SUSD3: variants seen among roughly 807,000 people sequenced by gnomAD.
SUSD3 encodes sushi domain containing 3.
A neutral mutation model predicts 20.6 loss-of-function variants in SUSD3; 18 were observed. The observed-to-expected ratio is 0.87, with a 90% CI of 0.60 to 1.30. SUSD3 has a LOEUF of 1.30. SUSD3 is among the 50% of genes most tolerant of loss of function. The pLI is 0.00. For missense variants in SUSD3, 306 were observed against 346.9 expected, an observed-to-expected ratio of 0.88 and a Z score of 0.94; for synonymous variants, 137 against 141.5, an observed-to-expected ratio of 0.97 and a Z score of 0.23.
rs572072706 is a variant in SUSD3, at chr9:93,075,791, C to G, written c.96C>G (p.Cys32Trp). The G allele has an allele frequency of 6.8e-7, 1 of 1,478,958 alleles. No homozygotes were observed. Among genetic ancestry groups the G allele is most frequent in the South Asian group, 1.1e-5 (1 of 89,538 alleles). 91.6% of individuals were successfully genotyped at this position (1,478,958 alleles called of 1,614,324 possible). The change falls in exon 2 of 5, where the codon TGC (cysteine) becomes TGG (tryptophan). Residue 32 changes from cysteine to tryptophan, a missense_variant. Coordinates refer to ENST00000375472, the MANE Select transcript of SUSD3 (RefSeq NM_145006.4). Reference protein sequence around the residue: ...TPAPGNRTGTCAKLRLPPQAT... With the variant: ...TPAPGNRTGTWAKLRLPPQAT... Reference sequence around the variant, plus strand: ...ACCTGCCTGTCTCCCCAGGCACGTGCGCTAAGCTGCGGCTACCCCCGCAAG... The same window carrying G: ...ACCTGCCTGTCTCCCCAGGCACGTGGGCTAAGCTGCGGCTACCCCCGCAAG...
At chr9:93,079,635 G>A (rs1030869953) in intron 4 of SUSD3, 33 bp downstream of exon 4, 2 of 1,609,670 alleles carry the variant, frequency 1.2e-6, no homozygotes, top group African/African-American at 2.7e-5. Context: ...GACATGCTGG[G>A]GGACAAGGGG....
At chr9:93,058,903 G>T in intron 1 of SUSD3, 73 bp downstream of exon 1, 4 of 945,354 alleles carry the variant, frequency 4.2e-6, no homozygotes, top group Non-Finnish European at 5.6e-6. Flanking sequence ...CGAGGGGAGG[G>T]GGTCGCGGGG....
Position 93,084,609 on chromosome 9 carries a change from A to G in SUSD3, c.630A>G (p.Arg210=), listed in dbSNP as rs367791324. The G allele has an allele frequency of 6.2e-6, 10 of 1,610,068 alleles. No individual in the cohort carries two copies. In the African/African-American group the frequency reaches 1.3e-4, roughly 22 times the overall value. ...RSVDKDPGIP[R]ALSLSGSSSS... Reference sequence around the variant, plus strand: ...TGGACAAGGACCCTGGGATCCCCAGAGCTCTAAGCCTCAGTGGCTCCTCCA... The same window carrying G: ...TGGACAAGGACCCTGGGATCCCCAGGGCTCTAAGCCTCAGTGGCTCCTCCA... The change falls in exon 5 of 5, where the codon AGA becomes AGG. Residue 210 remains arginine, a synonymous_variant. Coordinates refer to ENST00000375472, the MANE Select transcript of SUSD3 (RefSeq NM_145006.4).
chr9:93,063,103 C>A (rs984723333), intron 1 of SUSD3, among the ~76,000 whole-genome samples: 2 of 152,160 alleles, frequency 1.3e-5, no homozygotes, highest in Non-Finnish European at 2.9e-5. Context: ...GAAAGTGTTT[C>A]CTGGCCTCCC....
At position 93,069,036 on chromosome 9, in the gene SUSD3, C is replaced by T. The variant is rs1385264320; in HGVS notation, c.89-6748C>T. The T allele has an allele frequency of 2.9e-5, 20 of 686,498 alleles. No homozygotes were observed. The East Asian group carries it at 3.0e-4, about 10-fold the overall frequency. The allele number at this position is 686,498 out of a possible 1,614,324, so 42.5% of individuals were successfully genotyped here. ...CTCTCTCTCTAAATATCTTAATAGA[C>T]GGTACTCACCCTTCTTGCGATGATG... On this transcript the variant is annotated intron_variant, in intron 1 of 4. Transcript: ENST00000375472.
rs1194261627 is a variant in SUSD3 at position 93,059,046 on chromosome 9, ACGCAG to A, written c.88+218_88+222del. Among the ~76,000 whole-genome samples, 10 of 152,238 alleles carry A rather than the reference ACGCAG, an allele frequency of 6.6e-5. No homozygotes were observed. The South Asian group carries it at 2.1e-3, about 32-fold the overall frequency. Reference sequence around the variant, plus strand: ...GAGCAGTTCGAAACCAGGCGGCTGCACGCAGCAGCCCGCGCGCCCGTTCCCGAGTG... The same window carrying A: ...GAGCAGTTCGAAACCAGGCGGCTGCACAGCCCGCGCGCCCGTTCCCGAGTG... On this transcript the variant is annotated intron_variant, in intron 1 of 4. Coordinates refer to ENST00000375472, the MANE Select transcript of SUSD3 (RefSeq NM_145006.4).
At chr9:93,070,001 A>G (rs1825851870) in intron 1 of SUSD3, among the ~76,000 whole-genome samples, 1 of 150,708 alleles carries the variant, frequency 6.6e-6, no homozygotes, top group African/African-American at 2.4e-5. Flanking sequence ...CTGGTCTTGA[A>G]CTCCTGACCT....
At position 93,058,825 on chromosome 9, in the gene SUSD3, G is replaced by A; in HGVS notation, c.83G>A (p.Arg28His). Residue 28 changes from arginine (R) to histidine (H), a missense_variant, in exon 1 of 5, where the codon CGC becomes CAC. Arg to His is a conservative substitution (Grantham distance 29, BLOSUM62 0). Coordinates refer to ENST00000375472, the MANE Select transcript of SUSD3 (RefSeq NM_145006.4). ...AGVTTPAPGNRTGTCAKLRLP... is the reference protein window; with the variant it reads ...AGVTTPAPGNHTGTCAKLRLP... ...GTCACCACGCCTGCCCCAGGGAACC[G>A]CACAGGTGAGGGCTGGGGCCGAGTG... 7.9e-7 allele frequency: 1 copy of A among 1,263,044 alleles called. No individual in the cohort carries two copies. Among genetic ancestry groups the A allele is most frequent in the Non-Finnish European group, 1.0e-6 (1 of 1,003,452 alleles). The allele number at this position is 1,263,044 out of a possible 1,614,324, so 78.2% of individuals were successfully genotyped here. A position where few individuals can be genotyped will look rare whatever the true frequency, so the allele number is the denominator to read the frequency against.
intron 4 of SUSD3, among the ~76,000 whole-genome samples, chr9:93,083,972 G>GTA (rs1826530688): frequency 1.3e-5 from 2 of 151,974 alleles, no homozygotes; most frequent in African/African-American, 4.8e-5. Context: ...AGAGGCCAGT[G>GTA]TGTGTGTGGA....
At chr9:93,079,953 C>T (rs996057479) in intron 4 of SUSD3, among the ~76,000 whole-genome samples, 2 of 152,206 alleles carry the variant, frequency 1.3e-5, no homozygotes, top group Non-Finnish European at 2.9e-5. Context: ...CTGTCCCTCT[C>T]CTTTCTCTCT....
intron 4 of SUSD3, among the ~76,000 whole-genome samples, chr9:93,080,529 G>C (rs1175783973): frequency 6.6e-6 from 1 of 152,206 alleles, no homozygotes; most frequent in Admixed American, 6.5e-5. Flanking sequence ...GTCTGCGTCT[G>C]TCTGGTGTTT....
intron 1 of SUSD3, among the ~76,000 whole-genome samples, chr9:93,059,695 C>G (rs760699491): frequency 6.6e-6 from 1 of 152,064 alleles, no homozygotes; most frequent in African/African-American, 2.4e-5. Context: ...AGCTGAGGCC[C>G]GGAGTGGGGT....
At chr9:93,083,622 A>T (rs944632981) in intron 4 of SUSD3, among the ~76,000 whole-genome samples, 1 of 152,246 alleles carries the variant, frequency 6.6e-6, no homozygotes. Flanking sequence ...GCAGGTTAAG[A>T]AACTTGTGTA....
chr9:93,076,202 G>A (rs922553616), intron 2 of SUSD3, among the ~76,000 whole-genome samples: 8 of 152,152 alleles, frequency 5.3e-5, no homozygotes, highest in African/African-American at 1.4e-4. Context: ...ACCTAGTAGC[G>A]GGCCTCCAAT....
intron 1 of SUSD3, among the ~76,000 whole-genome samples, chr9:93,072,961 T>C (rs774949183): frequency 2.0e-5 from 3 of 152,018 alleles, no homozygotes; most frequent in Non-Finnish European, 2.9e-5. Context: ...CGGTGGGCAG[T>C]AGGACTTCCA....
At chr9:93,070,505 C>A (rs1381753328) in intron 1 of SUSD3, among the ~76,000 whole-genome samples, 1 of 152,232 alleles carries the variant, frequency 6.6e-6, no homozygotes, top group Non-Finnish European at 1.5e-5. Flanking sequence ...CAGGTGCCTG[C>A]GGTTGACCCT....
rs555220778 is a variant in SUSD3 at position 93,080,997 on chromosome 9, C to T, written c.557+1395C>T. 3.9e-5 allele frequency among the ~76,000 whole-genome samples: 6 copies of T among 152,344 alleles called. No homozygotes were observed. In the South Asian group the frequency reaches 8.3e-4, roughly 21 times the overall value. ...TAGAATATTGTCACAGATCTCCTGT[C>T]CCTGCCTCCCATTCTCATGGTCACC... On this transcript the variant is annotated intron_variant, in intron 4 of 4. Coordinates refer to ENST00000375472, the MANE Select transcript of SUSD3 (RefSeq NM_145006.4).
At chr9:93,075,755 C>CCCCCA in intron 1 of SUSD3, 29 bp from the exon 2 acceptor site, 1 of 474,314 alleles carries the variant, frequency 2.1e-6, no homozygotes, top group South Asian at 2.3e-5. Flanking sequence ...CCCCCCCCCG[C>CCCCCA]CATGCCTCAT....
At chr9:93,068,805 C>T (rs1227060964) in intron 1 of SUSD3, among the ~76,000 whole-genome samples, 4 of 152,128 alleles carry the variant, frequency 2.6e-5, no homozygotes, top group African/African-American at 9.7e-5. Context: ...ATAGTAGATA[C>T]AATGTATCCA....
Sources: gnomAD v4.1 joint callset for allele counts (sites outside exome capture counted in the v4.1 genomes callset) on GRCh38, gnomAD v4.1.1 for gene constraint, MANE v1.5 for transcripts, NCBI Gene and HGNC (gene_info 2026-07-23, HGNC 2026-07-21) for gene names.